PNPLA7: variants seen among roughly 807,000 people sequenced by gnomAD.
The protein encoded by PNPLA7 is patatin like domain 7, lysophospholipase.
Under a neutral mutation model 161.7 loss-of-function variants are expected in PNPLA7, and 153 were observed. The observed-to-expected ratio is 0.95, with a 90% CI of 0.83 to 1.08. The LOEUF (loss-of-function observed/expected upper bound fraction) is 1.08. PNPLA7 is among the 50% of genes least tolerant of loss of function. The pLI is 0.00. For missense variants in PNPLA7, 1,739 were observed against 1,856.6 expected (o/e 0.94, Z 1.16); for synonymous variants, 809 against 782.1 (o/e 1.03, Z -0.57).
intron 11 of PNPLA7, among the ~76,000 whole-genome samples, chr9:137,518,147 C>T: frequency 9.0e-6 from 1 of 111,454 alleles, no homozygotes; most frequent in Non-Finnish European, 2.1e-5. Context: ...CCACTCCATC[C>T]CCCACTCACG....
rs931637432 is a variant in PNPLA7 at position 137,543,080 on chromosome 9, T to C, written c.507-279A>G. ...AAGGCAAAGGTGGCCTCCAGGATGG[T>C]GAGCTGGGCCAGGGAGCGGAAGGGG... is the stretch of plus-strand genomic sequence containing the variant. On this transcript the variant is annotated intron_variant, in intron 6 of 34. Coordinates refer to ENST00000406427, the MANE Select transcript of PNPLA7 (RefSeq NM_001098537.3). This position sits in a 1 kb window ranked among gnomAD's most constrained non-coding sequence, Gnocchi z 6.9. Among the ~76,000 whole-genome samples, 6 of 151,992 alleles carry C rather than the reference T, an allele frequency of 3.9e-5. No homozygotes were observed. Among genetic ancestry groups the C allele is most frequent in the East Asian group, 1.9e-4 (1 of 5,156 alleles).
chr9:137,505,732 A>C lies in PNPLA7; in HGVS notation c.1355T>G (p.Ile452Arg), dbSNP rs1564328518. 1.9e-6 allele frequency: 3 copies of C among 1,614,088 alleles called. No homozygotes were observed. The change falls in exon 14 of 35, where the codon ATA (isoleucine) becomes AGA (arginine). Residue 452 changes from isoleucine (I) to arginine (R), a missense_variant. Physicochemically the swap from Ile to Arg is moderately conservative, Grantham distance 97. Around this residue, in one of 6 missense-constraint regions of PNPLA7, gnomAD observed 481 missense variants for 450.0 expected, o/e 1.07. Transcript: ENST00000406427. ...TGAGTGCTGGGAGACCGTGGAGGGT[A>C]TCTCTGCAACCATCACGCTTTTCCT... is the stretch of plus-strand genomic sequence containing the variant. ...KSRKSVMVAE[I>R]PSTVSQHSES...
intron 14 of PNPLA7, among the ~76,000 whole-genome samples, chr9:137,504,202 A>C (rs1833789405): frequency 7.0e-6 from 1 of 143,180 alleles, no homozygotes; most frequent in Non-Finnish European, 1.5e-5. Flanking sequence ...GAAGAGGAAG[A>C]AGAAGAGAGA....
chr9:137,463,612 C>T, intron 28 of PNPLA7, 81 bp from the exon 29 acceptor site: 5 of 1,059,206 alleles, frequency 4.7e-6, no homozygotes, highest in Non-Finnish European at 5.5e-6. Context: ...CCACTGCAGT[C>T]CTGGAGCTGG....
At chr9:137,498,021 G>A (rs1833157214) in intron 17 of PNPLA7, 93 bp downstream of exon 17, 1 of 1,533,438 alleles carries the variant, frequency 6.5e-7, no homozygotes, top group East Asian at 2.3e-5. Flanking sequence ...TAACTTCCGT[G>A]TGTGGTTTCC....
chr9:137,461,430 G>T (rs1831189214), intron 33 of PNPLA7, 106 bp downstream of exon 33: 1 of 1,229,956 alleles, frequency 8.1e-7, no homozygotes, highest in Non-Finnish European at 1.1e-6. Flanking sequence ...GCGTGGACGT[G>T]GGCGGGAGGG....
chr9:137,460,811 G>A lies in PNPLA7; in HGVS notation c.3842-74C>T, dbSNP rs1382920259. The stretch of plus-strand genomic sequence containing the variant: ...GTACCCAGCATAGCCACACTCAGAG[G>A]CAGAACCGGCCACAGATGCCCACCC... On this transcript the variant is annotated intron_variant, in intron 33 of 34. Transcript: ENST00000406427. The A allele has an allele frequency of 3.6e-6, 5 of 1,393,990 alleles. No homozygotes were observed. In the African/African-American group the frequency reaches 4.3e-5, roughly 12 times the overall value. The allele number at this position is 1,393,990 out of a possible 1,614,324, so 86.4% of individuals were successfully genotyped here.
At chr9:137,515,892 TC>T (rs1390895668) in intron 11 of PNPLA7, among the ~76,000 whole-genome samples, 3 of 8,814 alleles carry the variant, frequency 3.4e-4, no homozygotes, top group South Asian at 6.6e-3. Context: ...CTCAACCCCC[TC>T]CCCCCAAATC....
intron 12 of PNPLA7, among the ~76,000 whole-genome samples, chr9:137,511,142 C>A (rs547598997): frequency 1.3e-5 from 2 of 152,178 alleles, no homozygotes; most frequent in African/African-American, 4.8e-5. Context: ...GGAAGGCACC[C>A]GTTACTTAGT....
intron 8 of PNPLA7, among the ~76,000 whole-genome samples, chr9:137,532,172 C>A (rs1835615197): frequency 6.6e-6 from 1 of 152,212 alleles, no homozygotes; most frequent in Admixed American, 6.5e-5. Context: ...CACGGTGGTT[C>A]ACACCTATAA....
At chr9:137,511,486 G>A (rs1272041567) in intron 12 of PNPLA7, among the ~76,000 whole-genome samples, 3 of 151,874 alleles carry the variant, frequency 2.0e-5, no homozygotes, top group South Asian at 2.1e-4. Context: ...TTGGTCTGGC[G>A]GTAGCACCAG....
intron 32 of PNPLA7, 70 bp from the exon 33 acceptor site, chr9:137,461,690 G>A (rs1831204735): frequency 1.4e-6 from 2 of 1,472,146 alleles, no homozygotes; most frequent in South Asian, 2.5e-5. Flanking sequence ...TGCTTCCTGT[G>A]GGGAGGCCCC....
At chr9:137,529,932 TACAGGTGTGAGCC>T (rs1418616618) in intron 8 of PNPLA7, among the ~76,000 whole-genome samples, 1 of 151,958 alleles carries the variant, frequency 6.6e-6, no homozygotes, top group Admixed American at 6.6e-5. Context: ...GTGCTGGGAT[TACAGGTGTGAGCC>T]ACCGCGCCCA....
intron 25 of PNPLA7, among the ~76,000 whole-genome samples, chr9:137,469,350 T>A (rs904248124): frequency 2.6e-5 from 4 of 152,206 alleles, no homozygotes; most frequent in Admixed American, 1.3e-4. Flanking sequence ...AATGTATGTG[T>A]GATCAGAGCC....
chr9:137,519,735 C>A (rs1359826850), intron 11 of PNPLA7, among the ~76,000 whole-genome samples, 182 bp downstream of exon 11: 1 of 151,364 alleles, frequency 6.6e-6, no homozygotes, highest in African/African-American at 2.4e-5. Context: ...GTGAGTAGAC[C>A]TGGGGGGCAT....
chr9:137,494,913 C>T, intron 19 of PNPLA7, 120 bp downstream of exon 19: 1 of 923,110 alleles, frequency 1.1e-6, no homozygotes, highest in Non-Finnish European at 1.7e-6. Flanking sequence ...GCTCTGCGCT[C>T]TCACCTGCTC....
At position 137,460,075 on chromosome 9, in the gene PNPLA7, C is replaced by A; in HGVS notation, c.*318G>T. 1 of 315,668 alleles carries A rather than the reference C, an allele frequency of 3.2e-6. No individual in the cohort carries two copies. The allele number at this position is 315,668 out of a possible 1,614,324, so 19.6% of individuals were successfully genotyped here. ...ACAGGGCTTTGGGGGCCTCACAGGG[C>A]AGCAGGTGGTTCACAGGGCTTCGGG... On this transcript the variant is annotated 3_prime_UTR_variant, in exon 35 of 35. Transcript: ENST00000406427.
chr9:137,461,912 T>G lies in PNPLA7; in HGVS notation c.3756+19A>C. On this transcript the variant is annotated intron_variant, in intron 32 of 34. Coordinates refer to ENST00000406427, the MANE Select transcript of PNPLA7 (RefSeq NM_001098537.3). ...GCGCGGTCCGGGGAGCTGGGCGTGG[T>G]CCGGACGCCCGTACTCACCGCACTC... 5 of 1,533,602 alleles carry G rather than the reference T, an allele frequency of 3.3e-6. No homozygotes were observed. Among genetic ancestry groups the G allele is most frequent in the Non-Finnish European group, 4.4e-6 (5 of 1,143,768 alleles). The allele number at this position is 1,533,602 out of a possible 1,614,324, so 95.0% of individuals were successfully genotyped here.
At chr9:137,497,029 G>A (rs868608321) in intron 18 of PNPLA7, among the ~76,000 whole-genome samples, 158 bp downstream of exon 18, 2 of 152,232 alleles carry the variant, frequency 1.3e-5, no homozygotes, top group African/African-American at 2.4e-5. Context: ...GGCAGAGCCC[G>A]GGGCTCACAG....
Sources: allele counts gnomAD v4.1 joint callset (sites outside exome capture counted in the v4.1 genomes callset), GRCh38; gene constraint gnomAD v4.1.1; regional missense constraint gnomAD v4.1.1; non-coding constraint Gnocchi (gnomAD v3.1); transcripts MANE v1.5; gene names NCBI Gene and HGNC (gene_info 2026-07-23, HGNC 2026-07-21).